The following CD160 variants were observed in gnomAD, a reference collection of about 807,000 sequenced individuals.
The protein encoded by CD160 is CD160 antigen.
A neutral mutation model predicts 19.2 loss-of-function variants in CD160; 11 were observed. The ratio of observed to expected loss-of-function variants is 0.57; its 90% CI spans 0.36 to 0.95. The LOEUF (loss-of-function observed/expected upper bound fraction) is 0.95, where lower values mean the gene tolerates loss of function less well. Among genes scored for constraint, CD160 ranks in the 40% least tolerant of loss-of-function variants. The pLI is 0.01. For synonymous variants in CD160, 75 were observed against 81.1 expected (o/e 0.93, Z 0.40); for missense variants, 182 against 213.2 (o/e 0.85, Z 0.91).
At chr1:145,726,418 C>A (rs587755203) in intron 2 of CD160, among the ~76,000 whole-genome samples, 20 of 152,298 alleles carry the variant, frequency 1.3e-4, no homozygotes, top group African/African-American at 4.3e-4. Flanking sequence ...AGGATGAGTT[C>A]ATGTCCTTTG....
intron 4 of CD160, among the ~76,000 whole-genome samples, chr1:145,733,291 C>T (rs1023158050): frequency 6.6e-6 from 1 of 151,982 alleles, no homozygotes; most frequent in East Asian, 1.9e-4. Flanking sequence ...ACGCCACCAC[C>T]CATCCAACTA....
rs587773210 is a variant in CD160 at position 145,734,847 on chromosome 1, C to G, written c.401-1150C>G. 9.0e-4 allele frequency among the ~76,000 whole-genome samples: 137 copies of G among 152,316 alleles called. 2 individuals carry two copies. The highest frequency in any genetic ancestry group is 3.1e-3 in the African/African-American group (130 of 41,558). On this transcript the variant is annotated intron_variant, in intron 4 of 5. Transcript: ENST00000369288. ...TGTCAGGGTGGGTGGTGGCTCACGC[C>G]TGTAATCCCAGCACTTCAGGAGGCT...
rs1398166736 is a variant in CD160, at chr1:145,738,771, A to G, written c.*278A>G. The G allele has an allele frequency of 3.3e-6, 1 of 305,166 alleles. No individual in the cohort carries two copies. Among genetic ancestry groups the G allele is most frequent in the African/African-American group, 2.1e-5 (1 of 46,558 alleles). 18.9% of individuals were successfully genotyped at this position (305,166 alleles called of 1,614,324 possible). ...CCAAAGTGGGTAGTATAGTCCTCAAATATCGGATAAATATATGCGTTTTTG... is the reference window on the plus strand; with the variant it reads ...CCAAAGTGGGTAGTATAGTCCTCAAGTATCGGATAAATATATGCGTTTTTG... On this transcript the variant is annotated 3_prime_UTR_variant, in exon 6 of 6. Coordinates refer to ENST00000369288, the MANE Select transcript of CD160 (RefSeq NM_007053.4).
At chr1:145,722,479 T>TATAG (rs1656890832) in intron 1 of CD160, among the ~76,000 whole-genome samples, 1 of 152,206 alleles carries the variant, frequency 6.6e-6, no homozygotes, top group Non-Finnish European at 1.5e-5. Flanking sequence ...TCTGACACAT[T>TATAG]ATAGATGCTC....
At chr1:145,732,896 T>C (rs1657349983) in intron 4 of CD160, among the ~76,000 whole-genome samples, 1 of 152,130 alleles carries the variant, frequency 6.6e-6, no homozygotes, top group South Asian at 2.1e-4. Context: ...TCTACTATAT[T>C]CTAGCACATC....
intron 2 of CD160, among the ~76,000 whole-genome samples, chr1:145,725,605 A>G (rs1657026066): frequency 6.6e-6 from 1 of 152,160 alleles, no homozygotes; most frequent in South Asian, 2.1e-4. Context: ...TTTAAAGGCA[A>G]TTAATAAAAC....
intron 4 of CD160, among the ~76,000 whole-genome samples, chr1:145,735,579 T>A (rs1286872630): frequency 6.6e-6 from 1 of 152,046 alleles, no homozygotes; most frequent in Non-Finnish European, 1.5e-5. Flanking sequence ...AGCAAGACCC[T>A]GTCTCAAAAA....
chr1:145,725,038 A>G (rs1356976064), intron 2 of CD160, 132 bp downstream of exon 2: 1 of 151,928 alleles, frequency 6.6e-6, no homozygotes. Flanking sequence ...GCTTGGGATT[A>G]CAGGCGTGAG....
At chr1:145,734,905 G>C (rs1327002430) in intron 4 of CD160, among the ~76,000 whole-genome samples, 2 of 152,090 alleles carry the variant, frequency 1.3e-5, no homozygotes, top group Non-Finnish European at 2.9e-5. Context: ...TCAGGAGTTC[G>C]AGACAAGCCT....
At chr1:145,725,949 G>A (rs1206734013) in intron 2 of CD160, among the ~76,000 whole-genome samples, 1 of 151,878 alleles carries the variant, frequency 6.6e-6, no homozygotes, top group Non-Finnish European at 1.5e-5. Context: ...ATTAAGGGAG[G>A]GGAGCTGGGT....
At position 145,738,973 on chromosome 1, in the gene CD160, G is replaced by C. The variant is rs587734794; in HGVS notation, c.*480G>C. The C allele has an allele frequency of 5.6e-4, 87 of 154,432 alleles. 2 individuals carry two copies. Among genetic ancestry groups the C allele is most frequent in the Non-Finnish European group, 1.1e-3 (77 of 68,736 alleles). 9.6% of individuals were successfully genotyped at this position (154,432 alleles called of 1,614,324 possible). A position where few individuals can be genotyped will look rare whatever the true frequency, so the allele number is the denominator to read the frequency against. On this transcript the variant is annotated 3_prime_UTR_variant, in exon 6 of 6. Transcript: ENST00000369288. ...GACAGCCAGATCCAGTGATTGACTT[G>C]GCATGAAAATGAGAAAATGCAGACA...
At chr1:145,729,771 TTA>T (rs1196281979) in intron 3 of CD160, among the ~76,000 whole-genome samples, 4 of 152,312 alleles carry the variant, frequency 2.6e-5, no homozygotes, top group Middle Eastern at 3.4e-3. Context: ...CCCTCAATAA[TTA>T]GTCTGTTTCT....
At chr1:145,726,681 G>T (rs1433120016) in intron 2 of CD160, among the ~76,000 whole-genome samples, 2 of 151,956 alleles carry the variant, frequency 1.3e-5, no homozygotes, top group Non-Finnish European at 2.9e-5. Context: ...GTACAACTAT[G>T]TAACAAACCT....
intron 4 of CD160, among the ~76,000 whole-genome samples, chr1:145,735,176 G>A (rs1657433022): frequency 6.6e-6 from 1 of 152,132 alleles, no homozygotes; most frequent in Non-Finnish European, 1.5e-5. Flanking sequence ...TGTGGGCCAG[G>A]CATTGTGCTA....
chr1:145,736,498 T>G, intron 5 of CD160: 1 of 354,204 alleles, frequency 2.8e-6, no homozygotes, highest in East Asian at 7.1e-5. Context: ...AGACTTGGTT[T>G]GGAGATGGGT....
chr1:145,735,719 G>A (rs917073733), intron 4 of CD160, among the ~76,000 whole-genome samples: 1 of 152,112 alleles, frequency 6.6e-6, no homozygotes, highest in East Asian at 1.9e-4. Flanking sequence ...CAAGTCCAAG[G>A]CGACTAAGCT....
intron 3 of CD160, 74 bp from the exon 4 acceptor site, chr1:145,730,670 T>C (rs115324003): frequency 1.0e-4 from 121 of 1,215,400 alleles, no homozygotes; most frequent in Middle Eastern, 1.9e-4. Context: ...AGACTTCTAG[T>C]GATAAGGAGC....
chr1:145,735,853 A>G, intron 4 of CD160, 144 bp from the exon 5 acceptor site: 3 of 627,578 alleles, frequency 4.8e-6, no homozygotes, highest in Non-Finnish European at 8.4e-6. Flanking sequence ...CATTACCCAC[A>G]ATGTTAAAAA....
rs371788556 is a variant in CD160, at chr1:145,730,720, G to C, written c.74-24G>C. The C allele has an allele frequency of 1.8e-5, 29 of 1,594,674 alleles. No individual in the cohort carries two copies. The Middle Eastern group carries it at 8.3e-4, about 45-fold the overall frequency. ...TCACAGAATGCTACCTGACCTCTGGGTAATTCTTCCCTTTCCATTCCAGGA... is the reference window on the plus strand; with the variant it reads ...TCACAGAATGCTACCTGACCTCTGGCTAATTCTTCCCTTTCCATTCCAGGA... On this transcript the variant is annotated intron_variant, in intron 3 of 5. Coordinates refer to ENST00000369288, the MANE Select transcript of CD160 (RefSeq NM_007053.4).
Sources: allele counts gnomAD v4.1 joint callset (sites outside exome capture counted in the v4.1 genomes callset), GRCh38; gene constraint gnomAD v4.1.1; transcripts MANE v1.5; gene names NCBI Gene and HGNC (gene_info 2026-07-23, HGNC 2026-07-21).